Variants in PRKN observed in about 807,000 individuals in gnomAD.
The protein encoded by PRKN is parkin RBR E3 ubiquitin protein ligase.
A neutral mutation model predicts 59.5 loss-of-function variants in PRKN; 56 were observed. That is an observed-to-expected ratio of 0.94 (90% CI 0.76 to 1.18). The LOEUF is 1.18. PRKN is among the 50% of genes most tolerant of loss of function. The pLI, the probability that PRKN is intolerant of heterozygous loss-of-function variation, is 0.00. For missense variants in PRKN, 657 were observed against 596.4 expected, an observed-to-expected ratio of 1.10 and a Z score of -1.06; for synonymous variants, 250 against 222.1, an observed-to-expected ratio of 1.13 and a Z score of -1.12.
At chr6:162,432,176 A>T (rs1789564138) in intron 2 of PRKN, among the ~76,000 whole-genome samples, 1 of 152,166 alleles carries the variant, frequency 6.6e-6, no homozygotes, top group Non-Finnish European at 1.5e-5. Context: ...ATAGAAATGA[A>T]CTCACCAGCT....
intron 4 of PRKN, among the ~76,000 whole-genome samples, chr6:162,061,470 T>C (rs551598099): frequency 2.0e-5 from 3 of 152,300 alleles, no homozygotes; most frequent in South Asian, 2.1e-4. Flanking sequence ...TCTGAATTTA[T>C]CCTTTTTCTC....
At chr6:162,242,727 C>T (rs1208610457) in intron 3 of PRKN, among the ~76,000 whole-genome samples, 1 of 152,146 alleles carries the variant, frequency 6.6e-6, no homozygotes, top group Non-Finnish European at 1.5e-5. Flanking sequence ...CTACCCTCAC[C>T]TGTTGCAGGC....
chr6:162,363,460 T>C (rs1039964027), intron 2 of PRKN, among the ~76,000 whole-genome samples: 13 of 152,190 alleles, frequency 8.5e-5, no homozygotes, highest in Non-Finnish European at 1.5e-4. Context: ...AATAAATATG[T>C]CTATTTGAAA....
intron 7 of PRKN, among the ~76,000 whole-genome samples, chr6:161,772,385 C>G (rs767448560): frequency 2.2e-4 from 33 of 152,170 alleles, no homozygotes; most frequent in Non-Finnish European, 2.9e-4. Flanking sequence ...CAATGTGTCT[C>G]TAATGTTGCA....
At chr6:161,897,298 G>A (rs1583313720) in intron 6 of PRKN, among the ~76,000 whole-genome samples, 1 of 152,124 alleles carries the variant, frequency 6.6e-6, no homozygotes, top group East Asian at 1.9e-4. Context: ...GAGAGCAGCT[G>A]GTGTTTCATG....
At chr6:161,935,478 G>A (rs191107008) in intron 6 of PRKN, among the ~76,000 whole-genome samples, 25 of 151,436 alleles carry the variant, frequency 1.7e-4, no homozygotes, top group Admixed American at 9.9e-4. Flanking sequence ...TGCTTAAGCC[G>A]GGGAAGTTGA....
chr6:162,557,293 C>G (rs909226818), intron 1 of PRKN, among the ~76,000 whole-genome samples: 6 of 152,176 alleles, frequency 3.9e-5, no homozygotes, highest in African/African-American at 1.4e-4. Context: ...GCTTGGTAGT[C>G]GAACAAACAC....
In PRKN at chr6:161,359,947, A is replaced by G; in HGVS notation, c.1285+141T>C. ...AACAAAAACAATAATAATAGTGATA[A>G]TGGGTAACATTAATCGAGGGGTTAC... On this transcript the variant is annotated intron_variant, in intron 11 of 11. Transcript: ENST00000366898. This position sits in a 1 kb window ranked among gnomAD's most constrained non-coding sequence, Gnocchi z 5.4. 4 of 737,756 alleles carry G rather than the reference A, an allele frequency of 5.4e-6. No homozygotes were observed. In the South Asian group the frequency reaches 5.9e-5, roughly 11 times the overall value. 45.7% of individuals were successfully genotyped at this position (737,756 alleles called of 1,614,324 possible). A position where few individuals can be genotyped will look rare whatever the true frequency, so the allele number is the denominator to read the frequency against.
chr6:162,447,324 C>T (rs1790365393), intron 1 of PRKN, among the ~76,000 whole-genome samples: 1 of 152,012 alleles, frequency 6.6e-6, no homozygotes, highest in Admixed American at 6.6e-5. Flanking sequence ...CAGAAAACTT[C>T]CAGAGACCAA....
intron 1 of PRKN, among the ~76,000 whole-genome samples, chr6:162,612,114 A>G (rs1583905908): frequency 1.4e-5 from 2 of 147,110 alleles, no homozygotes; most frequent in East Asian, 4.1e-4. Context: ...AATGGCGTGA[A>G]CCCGGGAGGC....
At chr6:162,542,725 C>G (rs1213598303) in intron 1 of PRKN, among the ~76,000 whole-genome samples, 1 of 152,146 alleles carries the variant, frequency 6.6e-6, no homozygotes. Flanking sequence ...GGGCATATAG[C>G]ACATAGCATA....
At chr6:162,017,273 G>A (rs1409474867) in intron 5 of PRKN, among the ~76,000 whole-genome samples, 3 of 152,128 alleles carry the variant, frequency 2.0e-5, no homozygotes, top group Non-Finnish European at 4.4e-5. Flanking sequence ...TCTGGGAATC[G>A]CTAGTTATGT....
At chr6:161,697,074 A>G (rs148641416) in intron 7 of PRKN, among the ~76,000 whole-genome samples, 350 of 152,306 alleles carry the variant, frequency 2.3e-3, no homozygotes, top group Middle Eastern at 6.8e-3. Flanking sequence ...AAACTACACA[A>G]ACTTTTCAAG....
At position 161,498,073 on chromosome 6, in the gene PRKN, G is replaced by C. The variant is rs1051543106; in HGVS notation, c.1083+50781C>G. Among the ~76,000 whole-genome samples the C allele has an allele frequency of 5.3e-5, 8 of 152,050 alleles. No homozygotes were observed. Among genetic ancestry groups the C allele is most frequent in the Admixed American group, 2.0e-4 (3 of 15,258 alleles). Reference sequence around the variant, plus strand: ...GGAGGACTCACAAGCACTGAGACTGGCTTTTTTCATTAGTTATTTATAAAG... The same window carrying C: ...GGAGGACTCACAAGCACTGAGACTGCCTTTTTTCATTAGTTATTTATAAAG... On this transcript the variant is annotated intron_variant, in intron 9 of 11. Coordinates refer to ENST00000366898, the MANE Select transcript of PRKN (RefSeq NM_004562.3). The surrounding 1 kb of genome is among the most constrained non-coding windows in gnomAD (Gnocchi z 4.2).
At chr6:162,566,982 A>G (rs1780110052) in intron 1 of PRKN, among the ~76,000 whole-genome samples, 1 of 152,222 alleles carries the variant, frequency 6.6e-6, no homozygotes, top group African/African-American at 2.4e-5. Flanking sequence ...AATGTGATAC[A>G]TCATATCAAC....
intron 2 of PRKN, among the ~76,000 whole-genome samples, chr6:162,424,157 G>C (rs1789110138): frequency 6.6e-6 from 1 of 152,176 alleles, no homozygotes; most frequent in East Asian, 1.9e-4. Context: ...GCGATATGAA[G>C]AGGCGACTTT....
chr6:161,997,230 G>GA (rs1216985336), intron 5 of PRKN, among the ~76,000 whole-genome samples: 2 of 151,840 alleles, frequency 1.3e-5, no homozygotes, highest in Admixed American at 6.6e-5. Flanking sequence ...TGACTTCTGC[G>GA]AAAAAATTTA....
At chr6:161,745,429 G>A (rs910840384) in intron 7 of PRKN, among the ~76,000 whole-genome samples, 2 of 152,136 alleles carry the variant, frequency 1.3e-5, no homozygotes, top group Non-Finnish European at 2.9e-5. Context: ...GACCTAACCA[G>A]GCGACAAGGA....
At chr6:162,104,094 G>A (rs1780088982) in intron 4 of PRKN, among the ~76,000 whole-genome samples, 1 of 152,108 alleles carries the variant, frequency 6.6e-6, no homozygotes, top group African/African-American at 2.4e-5. Context: ...AGGCTGCCTG[G>A]GTTTCAATCT....
Sources: allele counts gnomAD v4.1 joint callset (sites outside exome capture counted in the v4.1 genomes callset), GRCh38; gene constraint gnomAD v4.1.1; non-coding constraint Gnocchi (gnomAD v3.1); transcripts MANE v1.5; gene names NCBI Gene and HGNC (gene_info 2026-07-23, HGNC 2026-07-21).